The following AFG1L variants were observed in gnomAD, a reference collection of about 807,000 sequenced individuals.
The protein encoded by AFG1L is AFG1 like ATPase.
Under a neutral mutation model 62.2 loss-of-function variants are expected in AFG1L, and 53 were observed. That is an observed-to-expected ratio of 0.85 (90% CI 0.68 to 1.07). The LOEUF is 1.07. Among genes scored for constraint, AFG1L ranks in the 50% least tolerant of loss-of-function variants. The pLI, the probability that AFG1L is intolerant of heterozygous loss-of-function variation, is 0.00. For missense variants in AFG1L, 555 were observed against 590.5 expected (o/e 0.94, Z 0.62); for synonymous variants, 228 against 210.3 (o/e 1.08, Z -0.73).
intron 8 of AFG1L, among the ~76,000 whole-genome samples, chr6:108,458,697 G>A (rs1263199999): frequency 1.3e-5 from 2 of 152,074 alleles, no homozygotes; most frequent in Admixed American, 1.3e-4. Context: ...TATAATTGCA[G>A]TTTTAATGTC....
At chr6:108,364,652 C>T (rs1329317269) in intron 5 of AFG1L, among the ~76,000 whole-genome samples, 4 of 152,056 alleles carry the variant, frequency 2.6e-5, no homozygotes, top group South Asian at 2.1e-4. Context: ...CTCGTTCTGT[C>T]CTCTCATCAG....
chr6:108,441,712 A>ATATATATAT (rs1554198359), intron 7 of AFG1L, among the ~76,000 whole-genome samples: 44 of 139,494 alleles, frequency 3.2e-4, no homozygotes, highest in South Asian at 1.4e-3. Context: ...AAAAAAAAAA[A>ATATATATAT]ATATATATAT....
intron 1 of AFG1L, among the ~76,000 whole-genome samples, chr6:108,317,088 G>A (rs186353138): frequency 3.3e-5 from 5 of 152,280 alleles, no homozygotes; most frequent in African/African-American, 9.6e-5. Flanking sequence ...AACAATTCTT[G>A]TAAGGATATC....
chr6:108,351,617 C>T (rs1280181614), intron 3 of AFG1L, among the ~76,000 whole-genome samples: 4 of 152,222 alleles, frequency 2.6e-5, no homozygotes, highest in Middle Eastern at 3.4e-3. Flanking sequence ...AGAAGTGGTG[C>T]GTGTAGACAT....
At chr6:108,494,077 C>T (rs796640425) in intron 10 of AFG1L, among the ~76,000 whole-genome samples, 3 of 152,266 alleles carry the variant, frequency 2.0e-5, no homozygotes, top group African/African-American at 7.2e-5. Flanking sequence ...CCGTCTCGGC[C>T]TCCCAAACTG....
In AFG1L at chr6:108,327,116, A is replaced by G. The variant is rs150195283; in HGVS notation, c.363+3068A>G. ...ATAAAAAACAAACAAACAAAAAATG[A>G]ATGAAAGTAATTTTACTTTTTAATA... On this transcript the variant is annotated intron_variant, in intron 2 of 12. Transcript: ENST00000368977. 1.3e-3 allele frequency among the ~76,000 whole-genome samples: 199 copies of G among 152,308 alleles called. 3 individuals are homozygous for G. In the East Asian group the frequency reaches 0.027, roughly 21 times the overall value.
intron 1 of AFG1L, among the ~76,000 whole-genome samples, chr6:108,314,225 C>CT (rs1464813647): frequency 6.6e-6 from 1 of 151,696 alleles, no homozygotes; most frequent in African/African-American, 2.4e-5. Context: ...GGGCGGAACT[C>CT]TATCTCAAAA....
intron 10 of AFG1L, among the ~76,000 whole-genome samples, chr6:108,478,571 T>C (rs1323822962): frequency 2.0e-5 from 3 of 152,246 alleles, no homozygotes; most frequent in Non-Finnish European, 4.4e-5. Flanking sequence ...CTCTTCTGGA[T>C]CAATCTTTAA....
At chr6:108,405,225 C>T (rs1781797370) in intron 7 of AFG1L, among the ~76,000 whole-genome samples, 1 of 152,194 alleles carries the variant, frequency 6.6e-6, no homozygotes, top group African/African-American at 2.4e-5. Flanking sequence ...TGAGGTCTTC[C>T]TGATTTTTGG....
At chr6:108,323,707 C>G in intron 1 of AFG1L, 118 bp from the exon 2 acceptor site, 1 of 651,162 alleles carries the variant, frequency 1.5e-6, no homozygotes, top group Non-Finnish European at 2.6e-6. Flanking sequence ...TTTACAAAAA[C>G]TGCTCCAATA....
At chr6:108,410,397 A>G (rs536094848) in intron 7 of AFG1L, among the ~76,000 whole-genome samples, 1 of 152,302 alleles carries the variant, frequency 6.6e-6, no homozygotes, top group Admixed American at 6.5e-5. Flanking sequence ...TGGAAGAAAA[A>G]TCATTGGGAA....
chr6:108,324,109 A>G (rs1777936614), intron 2 of AFG1L, 61 bp downstream of exon 2: 3 of 1,216,612 alleles, frequency 2.5e-6, no homozygotes, highest in Non-Finnish European at 3.5e-6. Context: ...TCTAAAATGG[A>G]TGCAATGCAG....
At chr6:108,452,921 C>T (rs1256350890) in intron 8 of AFG1L, among the ~76,000 whole-genome samples, 1 of 152,124 alleles carries the variant, frequency 6.6e-6, no homozygotes, top group Non-Finnish European at 1.5e-5. Context: ...TCGAGGGAGA[C>T]ATTGTCTCAT....
intron 6 of AFG1L, among the ~76,000 whole-genome samples, chr6:108,394,688 T>C (rs1252530470): frequency 6.6e-6 from 1 of 152,242 alleles, no homozygotes; most frequent in Non-Finnish European, 1.5e-5. Context: ...GGTATTTCAT[T>C]GTACAGATAT....
chr6:108,387,821 C>T (rs981244270), intron 6 of AFG1L: 3 of 152,140 alleles, frequency 2.0e-5, no homozygotes, highest in African/African-American at 7.2e-5. Flanking sequence ...GAGAAAGATG[C>T]TACAGACTGC....
At chr6:108,322,836 T>C (rs1031695882) in intron 1 of AFG1L, among the ~76,000 whole-genome samples, 1 of 152,146 alleles carries the variant, frequency 6.6e-6, no homozygotes, top group African/African-American at 2.4e-5. Flanking sequence ...TTCTAAACAG[T>C]AGAGAAGGAG....
At chr6:108,410,104 G>A (rs7758779) in intron 7 of AFG1L, among the ~76,000 whole-genome samples, 3,417 of 152,136 alleles carry the variant, frequency 0.022, 79 homozygotes, top group South Asian at 0.085. Context: ...TCAGGATTTC[G>A]AAACCAGCCT....
chr6:108,403,714 A>G (rs1781729209), intron 7 of AFG1L, among the ~76,000 whole-genome samples: 1 of 152,148 alleles, frequency 6.6e-6, no homozygotes, highest in Non-Finnish European at 1.5e-5. Context: ...AGCATAAAAT[A>G]CACAAAATAT....
chr6:108,496,255 T>C (rs1773971416), intron 10 of AFG1L, among the ~76,000 whole-genome samples: 1 of 152,238 alleles, frequency 6.6e-6, no homozygotes, highest in Non-Finnish European at 1.5e-5. Flanking sequence ...AGAAATGTCT[T>C]TTCCCTGTGT....
Sources: allele counts gnomAD v4.1 joint callset (sites outside exome capture counted in the v4.1 genomes callset), GRCh38; gene constraint gnomAD v4.1.1; transcripts MANE v1.5; gene names NCBI Gene and HGNC (gene_info 2026-07-23, HGNC 2026-07-21).